Variants in UGCG observed in about 807,000 individuals in gnomAD.
The protein encoded by UGCG is ceramide glucosyltransferase.
UGCG carries 10 observed loss-of-function variants against 49.5 expected under a neutral mutation model. The observed-to-expected ratio is 0.20, with a 90% CI of 0.12 to 0.34. The LOEUF (loss-of-function observed/expected upper bound fraction) is 0.34. Ranked by LOEUF, UGCG falls within the 10% of genes least tolerant of loss-of-function variation. The pLI is 1.00. For missense variants in UGCG, 312 were observed against 483.7 expected (o/e 0.65, Z 3.33); for synonymous variants, 182 against 158.2 (o/e 1.15, Z -1.13).
chr9:111,929,634 G>T lies in UGCG; in HGVS notation c.693G>T (p.Gln231His). ...CAGGAGGACTTATAGCTTTTGCTCA[G>T]TACATTGCCGAAGATTACTTTATGG... The part of the protein sequence containing the change: ...DQAGGLIAFA[Q>H]YIAEDYFMAK... The change falls in exon 6 of 9, where the codon CAG becomes CAT. Residue 231 changes from glutamine (Q) to histidine (H), a missense_variant. This residue lies in a region of UGCG where 180 missense variants were observed against 320.4 expected (regional missense o/e 0.56). Coordinates refer to ENST00000374279, the MANE Select transcript of UGCG (RefSeq NM_003358.3). The T allele has an allele frequency of 6.2e-7, 1 of 1,613,936 alleles. No individual in the cohort carries two copies. Among genetic ancestry groups the T allele is most frequent in the Admixed American group, 1.7e-5 (1 of 59,958 alleles).
chr9:111,915,002 C>T (rs1202497411), intron 2 of UGCG: 1 of 362,250 alleles, frequency 2.8e-6, no homozygotes, highest in Non-Finnish European at 4.9e-6. Flanking sequence ...GAAACTCAGA[C>T]ATTGTCAAGT....
In UGCG at chr9:111,934,748, A is replaced by G. The variant is rs1019447341; in HGVS notation, c.*1751A>G. On this transcript the variant is annotated 3_prime_UTR_variant, in exon 9 of 9. Transcript: ENST00000374279. Reference sequence around the variant, plus strand: ...CTTTTTTTTTTTTTTTAGCCTTATGATGAATTTGTTTGAAGGGCATTTTCT... The same window carrying G: ...CTTTTTTTTTTTTTTTAGCCTTATGGTGAATTTGTTTGAAGGGCATTTTCT... The G allele has an allele frequency of 5.6e-5, 8 of 141,914 alleles. No individual in the cohort carries two copies. The highest frequency in any genetic ancestry group is 2.1e-4 in the African/African-American group (8 of 37,994). 8.8% of individuals were successfully genotyped at this position (141,914 alleles called of 1,614,324 possible). A position where few individuals can be genotyped will look rare whatever the true frequency, so the allele number is the denominator to read the frequency against.
intron 2 of UGCG, chr9:111,915,951 A>T (rs1263437720): frequency 3.3e-6 from 1 of 306,474 alleles, no homozygotes; most frequent in Non-Finnish European, 4.8e-6. Context: ...TGAAGCAAAA[A>T]AATTATATGT....
In UGCG at chr9:111,934,436, C is replaced by G. The variant is rs533722744; in HGVS notation, c.*1439C>G. On this transcript the variant is annotated 3_prime_UTR_variant, in exon 9 of 9. Coordinates refer to ENST00000374279, the MANE Select transcript of UGCG (RefSeq NM_003358.3). ...AAGTAGTGGTGTTTTGCTTTTTCTTCAGGATTGGATGGCATGTTGTCCACA... is the reference window on the plus strand; with the variant it reads ...AAGTAGTGGTGTTTTGCTTTTTCTTGAGGATTGGATGGCATGTTGTCCACA... 26 of 151,652 alleles carry G rather than the reference C, an allele frequency of 1.7e-4. No individual in the cohort carries two copies. Among genetic ancestry groups the G allele is most frequent in the Non-Finnish European group, 1.0e-4 (7 of 67,926 alleles). 9.4% of individuals were successfully genotyped at this position (151,652 alleles called of 1,614,324 possible).
At chr9:111,914,124 C>A (rs1477073140) in intron 1 of UGCG, among the ~76,000 whole-genome samples, 1 of 152,082 alleles carries the variant, frequency 6.6e-6, no homozygotes, top group Admixed American at 6.6e-5. Flanking sequence ...AGTTCTGTGG[C>A]CACTTCAGTG....
chr9:111,918,955 A>AAC (rs984275470), intron 2 of UGCG, among the ~76,000 whole-genome samples: 6 of 151,358 alleles, frequency 4.0e-5, no homozygotes, highest in African/African-American at 1.5e-4. Context: ...AAAAAAACAA[A>AAC]AAAAAACACT....
chr9:111,931,417 AT>A, intron 7 of UGCG, 60 bp downstream of exon 7: 2 of 1,520,644 alleles, frequency 1.3e-6, no homozygotes, highest in Non-Finnish European at 9.0e-7. Flanking sequence ...GGGGGTGGTA[AT>A]TTTTACAGGT....
intron 1 of UGCG, among the ~76,000 whole-genome samples, chr9:111,901,668 A>C (rs190896044): frequency 3.0e-4 from 45 of 152,340 alleles, no homozygotes; most frequent in Middle Eastern, 3.4e-3. Flanking sequence ...CACATCCTGC[A>C]CATGTACCCC....
chr9:111,915,646 C>T (rs886646170), intron 2 of UGCG: 11 of 315,572 alleles, frequency 3.5e-5, no homozygotes, highest in Admixed American at 6.5e-5. Flanking sequence ...CTGGGAGAGT[C>T]GTCCCTCTTA....
chr9:111,919,891 C>G (rs1475834152), intron 2 of UGCG, among the ~76,000 whole-genome samples: 1 of 152,058 alleles, frequency 6.6e-6, no homozygotes, highest in Non-Finnish European at 1.5e-5. Context: ...TAGGAAAGCT[C>G]GTTGTTACTT....
At chr9:111,916,316 GT>G (rs1564201371) in intron 2 of UGCG, among the ~76,000 whole-genome samples, 1 of 152,144 alleles carries the variant, frequency 6.6e-6, no homozygotes, top group African/African-American at 2.4e-5. Context: ...TCACATTTCA[GT>G]TTTTTAACCA....
chr9:111,927,957 A>G (rs1838355051), intron 5 of UGCG, among the ~76,000 whole-genome samples: 1 of 152,200 alleles, frequency 6.6e-6, no homozygotes, highest in Non-Finnish European at 1.5e-5. Context: ...GCTGTATCAT[A>G]GGCCATCGTA....
At chr9:111,920,485 C>T (rs554871245) in intron 2 of UGCG, among the ~76,000 whole-genome samples, 3 of 152,260 alleles carry the variant, frequency 2.0e-5, no homozygotes, top group Admixed American at 6.5e-5. Context: ...CCTGCCTCAG[C>T]TTCCCAAGTA....
rs1391505908 is a variant in UGCG, at chr9:111,922,914, T to G, written c.306T>G (p.Leu102=). The G allele has an allele frequency of 6.2e-7, 1 of 1,613,214 alleles. No individual in the cohort carries two copies. Among genetic ancestry groups the G allele is most frequent in the Non-Finnish European group, 8.5e-7 (1 of 1,179,712 alleles). Residue 102 remains leucine (L), a synonymous_variant, in exon 3 of 9, where the codon CTT becomes CTG. Coordinates refer to ENST00000374279, the MANE Select transcript of UGCG (RefSeq NM_003358.3). ...CCATTGATGTATGTAAGAAGCTTCT[T>G]GGAAAATATCCAAATGTTGATGCTA... The part of the protein sequence containing the change: ...DPAIDVCKKL[L]GKYPNVDARL...
At chr9:111,912,967 G>A (rs984596850) in intron 1 of UGCG, among the ~76,000 whole-genome samples, 8 of 152,176 alleles carry the variant, frequency 5.3e-5, no homozygotes, top group African/African-American at 1.9e-4. Flanking sequence ...GTTTGCTACA[G>A]CACACACCTG....
At chr9:111,929,796 G>A (rs1838388329) in intron 6 of UGCG, 118 bp downstream of exon 6, 2 of 1,137,724 alleles carry the variant, frequency 1.8e-6, no homozygotes, top group Middle Eastern at 2.7e-4. Flanking sequence ...TTGCTAGTAA[G>A]TACAGAATAG....
chr9:111,927,906 C>G (rs554457960), intron 5 of UGCG, among the ~76,000 whole-genome samples: 1 of 149,646 alleles, frequency 6.7e-6, no homozygotes, highest in South Asian at 2.1e-4. Context: ...GTAAGCTTTT[C>G]CCATATCATT....
intron 2 of UGCG, chr9:111,915,003 A>G (rs1257853777): frequency 1.1e-5 from 4 of 356,974 alleles, no homozygotes; most frequent in Middle Eastern, 8.2e-4. Context: ...AAACTCAGAC[A>G]TTGTCAAGTG....
At position 111,897,145 on chromosome 9, in the gene UGCG, G is replaced by A. The variant is rs1245771624; in HGVS notation, c.-71G>A. ...CGCCCCCGCACCGGGCGCCCACCCT[G>A]TCCTCCTCCTGCGGGAGCGTTGTCC... On this transcript the variant is annotated 5_prime_UTR_variant, in exon 1 of 9. Transcript: ENST00000374279. The A allele has an allele frequency of 1.4e-6, 2 of 1,403,572 alleles. No homozygotes were observed. Among genetic ancestry groups the A allele is most frequent in the African/African-American group, 2.9e-5 (2 of 68,854 alleles). 86.9% of individuals were successfully genotyped at this position (1,403,572 alleles called of 1,614,324 possible). A position where few individuals can be genotyped will look rare whatever the true frequency, so the allele number is the denominator to read the frequency against.
Sources: gnomAD v4.1 joint callset for allele counts (sites outside exome capture counted in the v4.1 genomes callset) on GRCh38, gnomAD v4.1.1 for gene constraint, gnomAD v4.1.1 regional missense constraint, MANE v1.5 for transcripts, NCBI Gene and HGNC (gene_info 2026-07-23, HGNC 2026-07-21) for gene names.